TRMT9B: variants seen among roughly 807,000 people sequenced by gnomAD.
TRMT9B encodes tRNA methyltransferase 9B (putative).
TRMT9B carries 16 observed loss-of-function variants against 11.5 expected under a neutral mutation model. That is an observed-to-expected ratio of 1.39 (90% CI 0.94 to 2.11). The LOEUF (loss-of-function observed/expected upper bound fraction) is 2.11. Ranked by LOEUF, TRMT9B falls within the 30% of genes most tolerant of loss-of-function variation. The pLI, the probability that TRMT9B is intolerant of heterozygous loss-of-function variation, is 0.00. For synonymous variants in TRMT9B, 274 were observed against 192.4 expected, an observed-to-expected ratio of 1.42 and a Z score of -3.51; for missense variants, 941 against 553.8, an observed-to-expected ratio of 1.70 and a Z score of -7.02.
chr8:12,974,871 C>T (rs906986767), intron 1 of TRMT9B, among the ~76,000 whole-genome samples: 40 of 151,978 alleles, frequency 2.6e-4, no homozygotes, highest in Admixed American at 1.1e-3. Context: ...GTTTTATGAT[C>T]CCCTAAAAGA....
intron 1 of TRMT9B, among the ~76,000 whole-genome samples, chr8:12,953,217 G>T (rs566121663): frequency 9.2e-6 from 1 of 108,952 alleles, no homozygotes; most frequent in African/African-American, 3.7e-5. Context: ...TATCTATATT[G>T]TTTTCAGGTT....
intron 1 of TRMT9B, among the ~76,000 whole-genome samples, chr8:12,972,533 GCAAA>G (rs958166446): frequency 2.0e-5 from 3 of 152,210 alleles, no homozygotes; most frequent in African/African-American, 7.2e-5. Flanking sequence ...GGAACAGGAA[GCAAA>G]CAGAGAGGAG....
intron 1 of TRMT9B, among the ~76,000 whole-genome samples, chr8:12,988,218 C>A (rs2128877128): frequency 6.6e-6 from 1 of 152,242 alleles, no homozygotes; most frequent in African/African-American, 2.4e-5. Context: ...AGCCTTCACT[C>A]CCCCTTCCCA....
intron 2 of TRMT9B, among the ~76,000 whole-genome samples, chr8:13,004,015 T>A (rs986113053): frequency 3.3e-5 from 5 of 151,734 alleles, no homozygotes; most frequent in Non-Finnish European, 5.9e-5. Flanking sequence ...GCTGCGTTTG[T>A]GAAACACCGT....
intron 1 of TRMT9B, among the ~76,000 whole-genome samples, chr8:12,985,158 T>G (rs895334955): frequency 1.3e-5 from 2 of 152,198 alleles, no homozygotes; most frequent in Admixed American, 1.3e-4. Context: ...TCCGCTAAGA[T>G]AAACGCCCCT....
chr8:12,950,875 A>C (rs768256063), intron 1 of TRMT9B, among the ~76,000 whole-genome samples: 2 of 152,180 alleles, frequency 1.3e-5, no homozygotes, highest in African/African-American at 2.4e-5. Flanking sequence ...ACAGCTCGAC[A>C]TGAACTCTGC....
intron 3 of TRMT9B, among the ~76,000 whole-genome samples, chr8:13,008,202 C>T (rs866470371): frequency 6.6e-6 from 1 of 152,232 alleles, no homozygotes; most frequent in Non-Finnish European, 1.5e-5. Flanking sequence ...GGCCAGCACA[C>T]TATAACTCTT....
chr8:12,985,329 C>G (rs964216670), intron 1 of TRMT9B, among the ~76,000 whole-genome samples: 1 of 152,092 alleles, frequency 6.6e-6, no homozygotes, highest in African/African-American at 2.4e-5. Context: ...GCCAGCTGTT[C>G]CTTTCCTTAG....
rs966321095 is a variant in TRMT9B at position 13,028,282 on chromosome 8, G to T, written c.*6238G>T. On this transcript the variant is annotated 3_prime_UTR_variant, in exon 5 of 5. Transcript: ENST00000524591. ...ATCTTACCAATCTGATGGACCATTT[G>T]TAAGAGCTGTTTGTCAAATTGGATC... The T allele has an allele frequency of 6.0e-6, 1 of 167,074 alleles. No individual in the cohort carries two copies. Among genetic ancestry groups the T allele is most frequent in the Admixed American group, 6.5e-5 (1 of 15,280 alleles). The allele number at this position is 167,074 out of a possible 1,614,324, so 10.3% of individuals were successfully genotyped here. A position where few individuals can be genotyped will look rare whatever the true frequency, so the allele number is the denominator to read the frequency against.
In TRMT9B at chr8:13,021,970, C is replaced by T; in HGVS notation, c.1291C>T (p.Leu431Phe). The T allele has an allele frequency of 6.2e-7, 1 of 1,613,448 alleles. No individual in the cohort carries two copies. The highest frequency in any genetic ancestry group is 8.5e-7 in the Non-Finnish European group (1 of 1,179,716). The change falls in exon 5 of 5, where the codon CTC (leucine) becomes TTC (phenylalanine). Residue 431 changes from leucine (L) to phenylalanine (F), a missense_variant. Leu to Phe is a conservative substitution (Grantham distance 22). Coordinates refer to ENST00000524591, the MANE Select transcript of TRMT9B (RefSeq NM_020844.3). ...TCTGCTCAAGGAGAATGTGTCAGAG[C>T]TCCGTATCCTGAGTTCTGGGAATGA... ...CSLLKENVSE[L>F]RILSSGNDHG...
chr8:13,006,161 A>C (rs772551543), intron 2 of TRMT9B, 41 bp from the exon 3 acceptor site: 9 of 1,600,986 alleles, frequency 5.6e-6, no homozygotes, highest in Non-Finnish European at 7.7e-6. Flanking sequence ...TATGGTGCAT[A>C]GGCTGACCTG....
intron 1 of TRMT9B, among the ~76,000 whole-genome samples, chr8:12,960,883 C>T (rs1451925830): frequency 6.6e-6 from 1 of 152,170 alleles, no homozygotes; most frequent in African/African-American, 2.4e-5. Flanking sequence ...TGGCTCACAC[C>T]TGTAATCCCA....
intron 2 of TRMT9B, among the ~76,000 whole-genome samples, chr8:12,991,424 A>G (rs929236298): frequency 3.9e-5 from 6 of 152,216 alleles, no homozygotes; most frequent in Admixed American, 3.9e-4. Flanking sequence ...GGTCTTTTTT[A>G]TAATGTAAGT....
intron 2 of TRMT9B, among the ~76,000 whole-genome samples, chr8:13,001,767 C>T (rs929676797): frequency 6.6e-6 from 1 of 152,176 alleles, no homozygotes; most frequent in Non-Finnish European, 1.5e-5. Context: ...TTTTGAATCT[C>T]AAAGGAGGGA....
chr8:13,015,617 G>A (rs1487866975), intron 4 of TRMT9B, among the ~76,000 whole-genome samples: 2 of 152,126 alleles, frequency 1.3e-5, no homozygotes. Flanking sequence ...GCCTCCCAAA[G>A]TGTTGTGATT....
intron 2 of TRMT9B, among the ~76,000 whole-genome samples, chr8:13,003,992 G>C (rs1020825361): frequency 6.6e-5 from 10 of 151,806 alleles, no homozygotes; most frequent in African/African-American, 2.4e-4. Context: ...TCTGTGCTTA[G>C]GGGAGGGAGA....
At chr8:12,995,433 T>G (rs900719828) in intron 2 of TRMT9B, among the ~76,000 whole-genome samples, 5 of 152,202 alleles carry the variant, frequency 3.3e-5, no homozygotes, top group African/African-American at 1.2e-4. Context: ...TTATACATAT[T>G]AAGTCATAGC....
At position 12,972,290 on chromosome 8, in the gene TRMT9B, C is replaced by T. The variant is rs76204955; in HGVS notation, c.-199-18544C>T. Among the ~76,000 whole-genome samples, 117 of 152,238 alleles carry T rather than the reference C, an allele frequency of 7.7e-4. No individual in the cohort carries two copies. The East Asian group carries it at 0.019, about 25-fold the overall frequency. ...TCCCCAGAGCTGGGACCCAGACTCC[C>T]GTGGAGGCGGGGCTGGCCGGCTGGT... On this transcript the variant is annotated intron_variant, in intron 1 of 4. Coordinates refer to ENST00000524591, the MANE Select transcript of TRMT9B (RefSeq NM_020844.3).
intron 4 of TRMT9B, 71 bp from the exon 5 acceptor site, chr8:13,020,937 A>C (rs768857318): frequency 2.0e-6 from 2 of 1,013,980 alleles, no homozygotes; most frequent in African/African-American, 3.3e-5. Context: ...GTTATATGGT[A>C]AACACCAGTG....
Sources: gnomAD v4.1 joint callset for allele counts (sites outside exome capture counted in the v4.1 genomes callset) on GRCh38, gnomAD v4.1.1 for gene constraint, MANE v1.5 for transcripts, NCBI Gene and HGNC (gene_info 2026-07-23, HGNC 2026-07-21) for gene names.